The following SNX29 variants were observed in gnomAD, a reference collection of about 807,000 sequenced individuals.
The protein encoded by SNX29 is sorting nexin 29, also known as sorting nexin-29.
Under a neutral mutation model 102.1 loss-of-function variants are expected in SNX29, and 78 were observed. The observed-to-expected ratio is 0.76, with a 90% CI of 0.64 to 0.92. SNX29 has a LOEUF of 0.92. SNX29 is among the 40% of genes least tolerant of loss of function. The pLI is 0.00. For synonymous variants in SNX29, 580 were observed against 414.5 expected (o/e 1.40, Z -4.85); for missense variants, 1,280 against 1,061.7 (o/e 1.21, Z -2.86).
intron 1 of SNX29, among the ~76,000 whole-genome samples, chr16:11,997,353 G>A (rs2056115197): frequency 6.6e-6 from 1 of 152,200 alleles, no homozygotes; most frequent in South Asian, 2.1e-4. Context: ...CACCTGTGCA[G>A]AGAGGCCCTC....
intron 18 of SNX29, among the ~76,000 whole-genome samples, chr16:12,464,516 C>G (rs184415983): frequency 1.3e-5 from 2 of 152,046 alleles, no homozygotes; most frequent in African/African-American, 2.4e-5. Flanking sequence ...TGCAGTGATG[C>G]GATCACAGCT....
intron 14 of SNX29, among the ~76,000 whole-genome samples, chr16:12,271,613 A>G (rs763139769): frequency 1.3e-5 from 2 of 151,484 alleles, no homozygotes; most frequent in Non-Finnish European, 2.9e-5. Context: ...TGAATGTAAT[A>G]TATTGGAACC....
intron 20 of SNX29, among the ~76,000 whole-genome samples, chr16:12,563,876 G>A (rs1274351891): frequency 6.6e-6 from 1 of 152,182 alleles, no homozygotes; most frequent in Non-Finnish European, 1.5e-5. Flanking sequence ...CCCATCTCTA[G>A]CCCCTTGGGC....
At position 12,457,783 on chromosome 16, in the gene SNX29, C is replaced by T. The variant is rs562146412; in HGVS notation, c.2038-19936C>T. On this transcript the variant is annotated intron_variant, in intron 18 of 20. Transcript: ENST00000566228. ...GGAAATTTTAAAACAAAATTGAATG[C>T]TATCTTACGGGCATTGTTATGAGAG... 3.3e-5 allele frequency among the ~76,000 whole-genome samples: 5 copies of T among 152,260 alleles called. No individual in the cohort carries two copies. The South Asian group carries it at 1.0e-3, about 32-fold the overall frequency.
At chr16:12,443,904 C>T (rs1328874035) in intron 18 of SNX29, among the ~76,000 whole-genome samples, 2 of 152,198 alleles carry the variant, frequency 1.3e-5, no homozygotes, top group African/African-American at 2.4e-5. Flanking sequence ...TGTGAGCATT[C>T]GAAACTTGCA....
chr16:12,394,755 G>C (rs540138650), intron 16 of SNX29, among the ~76,000 whole-genome samples: 2 of 152,340 alleles, frequency 1.3e-5, no homozygotes, highest in East Asian at 3.9e-4. Context: ...AGAGGCTGCT[G>C]AGTAGACTAA....
chr16:12,507,782 C>A (rs889200090), intron 19 of SNX29, among the ~76,000 whole-genome samples: 1 of 152,180 alleles, frequency 6.6e-6, no homozygotes, highest in Non-Finnish European at 1.5e-5. Context: ...TACCTTCCCT[C>A]CCTCCCCTTA....
At chr16:12,555,526 TGC>T (rs1408546230) in intron 20 of SNX29, among the ~76,000 whole-genome samples, 4 of 151,532 alleles carry the variant, frequency 2.6e-5, no homozygotes, top group Admixed American at 2.0e-4. Context: ...ACAGCGCCCC[TGC>T]TCTCTGGGAG....
intron 14 of SNX29, among the ~76,000 whole-genome samples, chr16:12,225,903 C>G (rs980448344): frequency 1.3e-5 from 2 of 152,160 alleles, no homozygotes; most frequent in African/African-American, 4.8e-5. Context: ...AAGAGGCTCT[C>G]CTGCCTTTTA....
intron 15 of SNX29, among the ~76,000 whole-genome samples, chr16:12,310,846 G>A (rs566097290): frequency 1.3e-5 from 2 of 152,164 alleles, no homozygotes; most frequent in Non-Finnish European, 2.9e-5. Flanking sequence ...AGGGCATCCT[G>A]GCACATAGGA....
intron 1 of SNX29, among the ~76,000 whole-genome samples, chr16:11,990,097 C>T (rs1482035472): frequency 1.3e-5 from 2 of 152,178 alleles, no homozygotes; most frequent in Admixed American, 1.3e-4. Context: ...ACCAGGGCGG[C>T]CAGCCCCCAC....
chr16:12,341,700 C>T (rs376956075), intron 15 of SNX29, among the ~76,000 whole-genome samples: 91 of 152,300 alleles, frequency 6.0e-4, no homozygotes, highest in African/African-American at 1.8e-3. Flanking sequence ...CAGGGTCACA[C>T]GCCAGCAGTC....
chr16:12,511,676 T>C (rs1046529949), intron 19 of SNX29, among the ~76,000 whole-genome samples: 7 of 152,228 alleles, frequency 4.6e-5, no homozygotes, highest in African/African-American at 1.4e-4. Flanking sequence ...AGCAGTTTAA[T>C]GATACCGCGT....
At chr16:12,552,564 G>A (rs963089387) in intron 20 of SNX29, among the ~76,000 whole-genome samples, 6 of 152,116 alleles carry the variant, frequency 3.9e-5, no homozygotes, top group Non-Finnish European at 8.8e-5. Flanking sequence ...ACACAGGCCA[G>A]CCAAGTTGCT....
chr16:12,477,295 C>T (rs555117467), intron 18 of SNX29, among the ~76,000 whole-genome samples: 147 of 152,296 alleles, frequency 9.7e-4, no homozygotes, highest in African/African-American at 3.2e-3. Context: ...CACCACATTG[C>T]CCTCCAAACC....
intron 13 of SNX29, among the ~76,000 whole-genome samples, chr16:12,154,631 G>A (rs1269891879): frequency 6.6e-6 from 1 of 152,090 alleles, no homozygotes; most frequent in Non-Finnish European, 1.5e-5. Context: ...TAGTCCATCC[G>A]GGCTACTATA....
At chr16:12,277,637 C>T (rs2079295627) in intron 14 of SNX29, among the ~76,000 whole-genome samples, 1 of 152,004 alleles carries the variant, frequency 6.6e-6, no homozygotes, top group African/African-American at 2.4e-5. Flanking sequence ...GACAGTGGCA[C>T]AATCATAGCT....
chr16:12,033,357 C>T (rs1320911525), intron 4 of SNX29, among the ~76,000 whole-genome samples: 1 of 151,890 alleles, frequency 6.6e-6, no homozygotes, highest in Admixed American at 6.6e-5. Context: ...CCCACCTTGG[C>T]CTCCCAAAGT....
chr16:12,535,433 G>C (rs2077048063), intron 20 of SNX29, among the ~76,000 whole-genome samples: 1 of 152,186 alleles, frequency 6.6e-6, no homozygotes, highest in Non-Finnish European at 1.5e-5. Context: ...CGCCTGGCCA[G>C]CTTTTCATTT....
Sources: gnomAD v4.1 joint callset for allele counts (sites outside exome capture counted in the v4.1 genomes callset) on GRCh38, gnomAD v4.1.1 for gene constraint, MANE v1.5 for transcripts, NCBI Gene and HGNC (gene_info 2026-07-23, HGNC 2026-07-21) for gene names.